Variants in CECR2 observed in about 807,000 individuals in gnomAD.
The protein encoded by CECR2 is chromatin remodeling regulator CECR2.
Under a neutral mutation model 154.5 loss-of-function variants are expected in CECR2, and 30 were observed. That is an observed-to-expected ratio of 0.19 (90% confidence interval 0.15 to 0.26). The LOEUF is 0.26. CECR2 is among the 10% of genes least tolerant of loss of function. The pLI is 1.00. For missense variants in CECR2, 1,743 were observed against 1,829.3 expected, an observed-to-expected ratio of 0.95 and a Z score of 0.86; for synonymous variants, 725 against 683.7, an observed-to-expected ratio of 1.06 and a Z score of -0.94.
rs1221694782 is a variant in CECR2, at chr22:17,558,108, T to A, written c.*5268T>A. The A allele has an allele frequency of 6.6e-6, 1 of 152,224 alleles. No individual in the cohort carries two copies. 9.4% of individuals were successfully genotyped at this position (152,224 alleles called of 1,614,324 possible). A position where few individuals can be genotyped will look rare whatever the true frequency, so the allele number is the denominator to read the frequency against. On this transcript the variant is annotated 3_prime_UTR_variant, in exon 19 of 19. Transcript: ENST00000262608. ...TTGGAGGTCTGTAGATTTATTTCCATATGAACTGGTTATTTTGTATAAAGT... is the reference window on the plus strand; with the variant it reads ...TTGGAGGTCTGTAGATTTATTTCCAAATGAACTGGTTATTTTGTATAAAGT...
intron 1 of CECR2, among the ~76,000 whole-genome samples, chr22:17,429,168 TG>T (rs975510145): frequency 1.8e-4 from 27 of 151,640 alleles, no homozygotes; most frequent in Admixed American, 3.3e-4. Context: ...ATCATGGTGG[TG>T]GGGGGATGGT....
chr22:17,483,268 T>C (rs1340416767), intron 2 of CECR2, among the ~76,000 whole-genome samples: 1 of 152,150 alleles, frequency 6.6e-6, no homozygotes, highest in Non-Finnish European at 1.5e-5. Flanking sequence ...AGAATAAGGA[T>C]ATAAAGAAGG....
At chr22:17,530,601 CG>C (rs1258083042) in intron 9 of CECR2, among the ~76,000 whole-genome samples, 4 of 150,106 alleles carry the variant, frequency 2.7e-5, no homozygotes, top group African/African-American at 4.9e-5. Flanking sequence ...TGCTTGAATT[CG>C]GGAGGCAGAG....
At chr22:17,508,147 C>T (rs2055880175) in intron 7 of CECR2, among the ~76,000 whole-genome samples, 1 of 152,168 alleles carries the variant, frequency 6.6e-6, no homozygotes, top group South Asian at 2.1e-4. Flanking sequence ...CCACTGTGGT[C>T]CCATAAGATT....
In CECR2 at chr22:17,557,528, C is replaced by CCT. The variant is rs1818517525; in HGVS notation, c.*4688_*4689insCT. 6.6e-6 allele frequency: 1 copy of CCT among 152,190 alleles called. No homozygotes were observed. The highest frequency in any genetic ancestry group is 1.5e-5 in the Non-Finnish European group (1 of 68,054). The allele number at this position is 152,190 out of a possible 1,614,324, so 9.4% of individuals were successfully genotyped here. On this transcript the variant is annotated 3_prime_UTR_variant, in exon 19 of 19. Transcript: ENST00000262608. Reference sequence around the variant, plus strand: ...TCCTGCTCTGTGCTAGACAGATGTGCGGAGGGACTGTTCCGGGCTCGGCTT... The same window carrying CCT: ...TCCTGCTCTGTGCTAGACAGATGTGCCTGGAGGGACTGTTCCGGGCTCGGCTT...
At chr22:17,462,703 C>T (rs2054961630) in intron 1 of CECR2, among the ~76,000 whole-genome samples, 2 of 151,984 alleles carry the variant, frequency 1.3e-5, no homozygotes, top group African/African-American at 4.8e-5. Context: ...ATCACGAGGT[C>T]AGGAGTTCAA....
intron 1 of CECR2, among the ~76,000 whole-genome samples, chr22:17,404,509 G>C (rs553527582): frequency 0.022 from 3,063 of 138,666 alleles, 270 homozygotes; most frequent in African/African-American, 0.08. Context: ...CAGTAGCTGG[G>C]ACTACAGGCG....
intron 2 of CECR2, among the ~76,000 whole-genome samples, chr22:17,492,735 T>G (rs1274149284): frequency 6.6e-6 from 1 of 152,204 alleles, no homozygotes; most frequent in Non-Finnish European, 1.5e-5. Flanking sequence ...AAATTCCGTT[T>G]GGTTTGATCT....
chr22:17,511,772 TA>T (rs1180403574), intron 7 of CECR2, 40 bp from the exon 8 acceptor site: 1 of 1,559,644 alleles, frequency 6.4e-7, no homozygotes, highest in Non-Finnish European at 8.8e-7. Flanking sequence ...GAGAACACCC[TA>T]ATCTATCTTT....
At chr22:17,488,130 C>G (rs535536807) in intron 2 of CECR2, among the ~76,000 whole-genome samples, 135 of 152,230 alleles carry the variant, frequency 8.9e-4, no homozygotes, top group East Asian at 5.8e-4. Flanking sequence ...GATCTGCCCC[C>G]CCTTGGCCTC....
chr22:17,436,766 A>T (rs1426118395), intron 1 of CECR2, among the ~76,000 whole-genome samples: 5 of 152,184 alleles, frequency 3.3e-5, no homozygotes, highest in South Asian at 4.1e-4. Flanking sequence ...GGAGAAGGTA[A>T]GTGTTGAGCC....
intron 16 of CECR2, among the ~76,000 whole-genome samples, chr22:17,545,702 G>A (rs560296940): frequency 6.6e-6 from 1 of 151,788 alleles, no homozygotes; most frequent in South Asian, 2.1e-4. Context: ...AATCAGCCGG[G>A]AACAGTGGTG....
At chr22:17,428,826 G>GTGTGTGTGTGTA (rs369291932) in intron 1 of CECR2, among the ~76,000 whole-genome samples, 277 of 150,704 alleles carry the variant, frequency 1.8e-3, no homozygotes, top group Middle Eastern at 6.8e-3. Context: ...GTGTGTGTGT[G>GTGTGTGTGTGTA]TATATAAAGG....
At chr22:17,529,234 G>A (rs1047503528) in intron 9 of CECR2, among the ~76,000 whole-genome samples, 1 of 152,182 alleles carries the variant, frequency 6.6e-6, no homozygotes, top group African/African-American at 2.4e-5. Context: ...AGGAAGTCCA[G>A]GGCGAGGCTG....
chr22:17,429,560 AG>A lies in CECR2; in HGVS notation c.127-48027del, dbSNP rs1269604754. 8.7e-3 allele frequency among the ~76,000 whole-genome samples: 1,311 copies of A among 150,098 alleles called. 27 individuals carry two copies. The highest frequency in any genetic ancestry group is 0.031 in the African/African-American group (1,249 of 40,166). ...CTACCAAAAACAAAAACAAAAACAA[AG>A]AAAAGAAAAGAAAAAAGAGATCTCA... On this transcript the variant is annotated intron_variant, in intron 1 of 18. Coordinates refer to ENST00000262608, the MANE Select transcript of CECR2 (RefSeq NM_001290047.2).
intron 1 of CECR2, among the ~76,000 whole-genome samples, chr22:17,395,099 G>A (rs899828805): frequency 6.6e-6 from 1 of 152,108 alleles, no homozygotes; most frequent in Non-Finnish European, 1.5e-5. Context: ...GTGTCCCTTG[G>A]CGGTTGACCC....
chr22:17,522,607 T>C (rs561371634), intron 8 of CECR2, among the ~76,000 whole-genome samples: 1 of 152,348 alleles, frequency 6.6e-6, no homozygotes, highest in African/African-American at 2.4e-5. Context: ...TGTTAACGTA[T>C]GCAGTTTTTA....
intron 3 of CECR2, among the ~76,000 whole-genome samples, chr22:17,499,028 C>T (rs1395533077): frequency 6.6e-6 from 1 of 152,108 alleles, no homozygotes; most frequent in Non-Finnish European, 1.5e-5. Flanking sequence ...CTCTCTCTGT[C>T]GCCCAGGCTG....
At chr22:17,402,149 A>G (rs907035835) in intron 1 of CECR2, among the ~76,000 whole-genome samples, 5 of 151,820 alleles carry the variant, frequency 3.3e-5, no homozygotes, top group Non-Finnish European at 4.4e-5. Flanking sequence ...ATGCCCAGCT[A>G]ATTTCTTGTA....
Sources: gnomAD v4.1 joint callset for allele counts (sites outside exome capture counted in the v4.1 genomes callset) on GRCh38, gnomAD v4.1.1 for gene constraint, MANE v1.5 for transcripts, NCBI Gene and HGNC (gene_info 2026-07-23, HGNC 2026-07-21) for gene names.